GRM7: variants seen among roughly 807,000 people sequenced by gnomAD.
The protein encoded by GRM7 is glutamate metabotropic receptor 7.
In GRM7, 35 loss-of-function variants were observed where a neutral mutation model predicts 84.5. The observed-to-expected ratio is 0.41, with a 90% CI of 0.32 to 0.55. The LOEUF is 0.55. Ranked by LOEUF, GRM7 falls within the 20% of genes least tolerant of loss-of-function variation. The probability of loss-of-function intolerance (pLI) is 0.19; values close to 1 mark genes in which losing one functional copy is unlikely to be tolerated. For synonymous variants in GRM7, 487 were observed against 455.1 expected (o/e 1.07, Z -0.89); for missense variants, 1,003 against 1,194.6 (o/e 0.84, Z 2.36).
intron 7 of GRM7, among the ~76,000 whole-genome samples, chr3:7,489,949 ATAT>A (rs1164351790): frequency 1.3e-5 from 2 of 151,768 alleles, no homozygotes; most frequent in Non-Finnish European, 2.9e-5. Context: ...TATATACTCC[ATAT>A]TATTAATTAA....
In GRM7 at chr3:7,487,179, A is replaced by G. The variant is rs1003395266; in HGVS notation, c.1515+25457A>G. 4.6e-5 allele frequency among the ~76,000 whole-genome samples: 7 copies of G among 152,324 alleles called. No homozygotes were observed. The East Asian group carries it at 1.2e-3, about 25-fold the overall frequency. ...TGGAAGAGATTTCTAAGCAAAATAT[A>G]GAAGGAACTGTGTGGCTACTTTTGG... is the stretch of plus-strand genomic sequence containing the variant. On this transcript the variant is annotated intron_variant, in intron 7 of 9. Transcript: ENST00000357716.
chr3:7,502,495 C>A (rs921688128), intron 7 of GRM7, among the ~76,000 whole-genome samples: 1 of 151,912 alleles, frequency 6.6e-6, no homozygotes, highest in Non-Finnish European at 1.5e-5. Context: ...AGTCTAAGAA[C>A]AAAATCAATA....
At chr3:7,497,248 T>C (rs976125) in intron 7 of GRM7, among the ~76,000 whole-genome samples, 91,184 of 151,624 alleles carry the variant, frequency 0.6, 27,821 homozygotes, top group East Asian at 0.74. Context: ...ATTTATGTCA[T>C]CTCAATAAAT....
intron 1 of GRM7, among the ~76,000 whole-genome samples, chr3:7,129,803 T>C (rs1693531015): frequency 6.6e-6 from 1 of 152,194 alleles, no homozygotes; most frequent in Non-Finnish European, 1.5e-5. Context: ...CAACTTACTA[T>C]GTGAGAAAGA....
At chr3:7,063,737 C>G (rs1697517051) in intron 1 of GRM7, among the ~76,000 whole-genome samples, 1 of 151,346 alleles carries the variant, frequency 6.6e-6, no homozygotes, top group Admixed American at 6.6e-5. Flanking sequence ...CCAAGGTCAC[C>G]CCCTATTCCA....
chr3:7,500,474 G>T (rs367660686), intron 7 of GRM7, among the ~76,000 whole-genome samples: 1 of 152,316 alleles, frequency 6.6e-6, no homozygotes, highest in South Asian at 2.1e-4. Flanking sequence ...AACTTGGTCT[G>T]CAGGAAAAGA....
intron 1 of GRM7, chr3:6,892,517 T>G (rs34161662): frequency 1.3e-5 from 2 of 152,110 alleles, no homozygotes; most frequent in Non-Finnish European, 2.9e-5. Flanking sequence ...ATAAGCACTT[T>G]CTTGATATCC....
intron 9 of GRM7, chr3:7,693,586 G>A (rs773864671): frequency 7.8e-6 from 9 of 1,154,236 alleles, no homozygotes; most frequent in South Asian, 2.6e-5. Flanking sequence ...AATTTCCTGT[G>A]GTTTGCCAAA....
chr3:7,224,510 C>G (rs1470873016), intron 2 of GRM7, among the ~76,000 whole-genome samples: 1 of 152,170 alleles, frequency 6.6e-6, no homozygotes, highest in African/African-American at 2.4e-5. Flanking sequence ...GAATAGAACA[C>G]AATTCCACAG....
chr3:7,299,069 C>A (rs1405203164), intron 3 of GRM7, among the ~76,000 whole-genome samples: 3 of 152,082 alleles, frequency 2.0e-5, no homozygotes, highest in South Asian at 2.1e-4. Flanking sequence ...AACTCTAGAT[C>A]TTTTAAAGGT....
intron 7 of GRM7, among the ~76,000 whole-genome samples, chr3:7,508,825 T>C (rs1487622220): frequency 6.6e-6 from 1 of 152,198 alleles, no homozygotes; most frequent in Non-Finnish European, 1.5e-5. Context: ...TCTTGAGTTC[T>C]TGCTATGAGT....
At chr3:7,579,489 A>T (rs1036704531) in intron 8 of GRM7, 132 bp downstream of exon 8, 1 of 605,548 alleles carries the variant, frequency 1.7e-6, no homozygotes, top group African/African-American at 1.9e-5. Context: ...TAGAGAACTA[A>T]TTCAAGGTCT....
intron 8 of GRM7, among the ~76,000 whole-genome samples, chr3:7,640,862 G>C (rs1358628267): frequency 3.9e-5 from 6 of 152,248 alleles, no homozygotes; most frequent in African/African-American, 1.4e-4. Flanking sequence ...GCAATGTCAA[G>C]ACCTCTGACT....
At chr3:6,951,169 C>A (rs150443641) in intron 1 of GRM7, among the ~76,000 whole-genome samples, 9 of 152,162 alleles carry the variant, frequency 5.9e-5, no homozygotes, top group Non-Finnish European at 1.0e-4. Context: ...TGTTCCTATT[C>A]GGCCATCTTG....
intron 4 of GRM7, among the ~76,000 whole-genome samples, chr3:7,336,995 A>G (rs773520718): frequency 6.6e-6 from 1 of 152,086 alleles, no homozygotes; most frequent in Non-Finnish European, 1.5e-5. Context: ...AATTCAATGC[A>G]ATTCCCATCA....
intron 6 of GRM7, among the ~76,000 whole-genome samples, chr3:7,454,090 A>ACACACTCT (rs1365192243): frequency 5.0e-4 from 70 of 140,198 alleles, no homozygotes; most frequent in African/African-American, 1.9e-3. Flanking sequence ...CTACACACAC[A>ACACACTCT]CTCTCTCTCT....
chr3:7,294,660 A>C (rs948580573), intron 2 of GRM7, among the ~76,000 whole-genome samples: 1 of 152,178 alleles, frequency 6.6e-6, no homozygotes, highest in South Asian at 2.1e-4. Context: ...ACCCAGGTGA[A>C]TATGCCTCAA....
intron 1 of GRM7, among the ~76,000 whole-genome samples, chr3:6,953,423 T>C (rs1478720516): frequency 6.6e-6 from 1 of 152,212 alleles, no homozygotes; most frequent in African/African-American, 2.4e-5. Context: ...GCAAGCTCTC[T>C]GCTGAATTGC....
intron 4 of GRM7, among the ~76,000 whole-genome samples, chr3:7,398,364 A>T (rs910871588): frequency 3.7e-4 from 57 of 152,142 alleles, no homozygotes; most frequent in African/African-American, 1.3e-3. Flanking sequence ...GTACAATTAT[A>T]CTTAACTCTT....
Sources: allele counts gnomAD v4.1 joint callset (sites outside exome capture counted in the v4.1 genomes callset), GRCh38; gene constraint gnomAD v4.1.1; transcripts MANE v1.5; gene names NCBI Gene and HGNC (gene_info 2026-07-23, HGNC 2026-07-21).